ATP6V1H: variants seen among roughly 807,000 people sequenced by gnomAD.
ATP6V1H encodes ATPase H+ transporting V1 subunit H.
A neutral mutation model predicts 71.7 loss-of-function variants in ATP6V1H; 39 were observed. The observed-to-expected ratio is 0.54, with a 90% CI of 0.42 to 0.71. The LOEUF (loss-of-function observed/expected upper bound fraction) is 0.71. ATP6V1H is among the 30% of genes least tolerant of loss of function. The pLI is 0.00. For missense variants in ATP6V1H, 509 were observed against 594.9 expected (o/e 0.86, Z 1.50); for synonymous variants, 192 against 199.3 (o/e 0.96, Z 0.31).
Position 53,815,187 on chromosome 8 carries a change from T to C in ATP6V1H, c.421-421A>G, listed in dbSNP as rs185213167. ...ACTCATTCCAAGCCACTTGGGAGTT[T>C]TAATACTTAAAAATCCATTTCTTAG... On this transcript the variant is annotated intron_variant, in intron 5 of 13. Transcript: ENST00000359530. Among the ~76,000 whole-genome samples, 343 of 152,334 alleles carry C rather than the reference T, an allele frequency of 2.3e-3. 2 individuals carry two copies. Among genetic ancestry groups the C allele is most frequent in the African/African-American group, 7.8e-3 (326 of 41,572 alleles).
intron 13 of ATP6V1H, among the ~76,000 whole-genome samples, chr8:53,720,945 C>G (rs2130079369): frequency 6.6e-6 from 1 of 152,286 alleles, no homozygotes; most frequent in African/African-American, 2.4e-5. Flanking sequence ...GTGGGTTTGT[C>G]ATAACGATCA....
At chr8:53,769,528 A>G in intron 11 of ATP6V1H, 90 bp downstream of exon 11, 1 of 1,293,436 alleles carries the variant, frequency 7.7e-7, no homozygotes, top group Non-Finnish European at 1.1e-6. Context: ...AAAACCATAG[A>G]ATATCTAAAA....
chr8:53,729,630 C>G (rs919106738), intron 13 of ATP6V1H, among the ~76,000 whole-genome samples: 2 of 152,184 alleles, frequency 1.3e-5, no homozygotes, highest in Admixed American at 1.3e-4. Context: ...GAATGGAGCC[C>G]AGGCTATTCC....
At chr8:53,754,211 C>T (rs1039992390) in intron 12 of ATP6V1H, among the ~76,000 whole-genome samples, 3 of 152,066 alleles carry the variant, frequency 2.0e-5, no homozygotes, top group African/African-American at 7.2e-5. Context: ...GATAGGAGTG[C>T]AAAAGGCTTA....
chr8:53,773,385 A>G (rs1363745299), intron 9 of ATP6V1H, among the ~76,000 whole-genome samples: 2 of 152,240 alleles, frequency 1.3e-5, no homozygotes, highest in African/African-American at 4.8e-5. Context: ...TCTCTCTGGC[A>G]GAAAACAACT....
At position 53,834,175 on chromosome 8, in the gene ATP6V1H, TA is replaced by T. The variant is rs555922478; in HGVS notation, c.114-1090del. ...AGGAAAAGCAGAGAATTTGAGTCAATATGGGGAAGAGTTCCAGTTCCAGGTG... is the reference window on the plus strand; with the variant it reads ...AGGAAAAGCAGAGAATTTGAGTCAATTGGGGAAGAGTTCCAGTTCCAGGTG... On this transcript the variant is annotated intron_variant, in intron 2 of 13. Transcript: ENST00000359530. 2.3e-3 allele frequency among the ~76,000 whole-genome samples: 345 copies of T among 152,170 alleles called. 2 individuals carry two copies. Among genetic ancestry groups the T allele is most frequent in the African/African-American group, 7.9e-3 (328 of 41,514 alleles).
intron 5 of ATP6V1H, among the ~76,000 whole-genome samples, chr8:53,815,572 A>C (rs1450377081): frequency 6.6e-6 from 1 of 152,354 alleles, no homozygotes; most frequent in African/African-American, 2.4e-5. Context: ...AATGTCAGAC[A>C]CTTAAGTGTT....
At chr8:53,739,516 C>T (rs1261215477) in intron 13 of ATP6V1H, 1 of 152,116 alleles carries the variant, frequency 6.6e-6, no homozygotes, top group African/African-American at 2.4e-5. Context: ...AATCTAGAGA[C>T]AAAAATGAAA....
At chr8:53,799,497 T>C (rs1220557855) in intron 8 of ATP6V1H, among the ~76,000 whole-genome samples, 1 of 152,152 alleles carries the variant, frequency 6.6e-6, no homozygotes, top group Non-Finnish European at 1.5e-5. Context: ...AACAGCAAAG[T>C]CCTAAGGCTG....
At chr8:53,792,650 G>A (rs1809602775) in intron 9 of ATP6V1H, among the ~76,000 whole-genome samples, 1 of 152,174 alleles carries the variant, frequency 6.6e-6, no homozygotes, top group Non-Finnish European at 1.5e-5. Context: ...GGACAGCTTT[G>A]GAGCTGGCAG....
chr8:53,806,134 G>A (rs890070885), intron 7 of ATP6V1H, among the ~76,000 whole-genome samples: 1 of 152,084 alleles, frequency 6.6e-6, no homozygotes, highest in Admixed American at 6.6e-5. Context: ...GAGAAGGACA[G>A]AGTAAAAACT....
At chr8:53,817,827 T>C (rs535665346) in intron 4 of ATP6V1H, among the ~76,000 whole-genome samples, 1 of 152,252 alleles carries the variant, frequency 6.6e-6, no homozygotes, top group East Asian at 1.9e-4. Context: ...GTAACAGGTC[T>C]ACACCCACCA....
intron 9 of ATP6V1H, among the ~76,000 whole-genome samples, chr8:53,787,663 C>T (rs1809430236): frequency 6.6e-6 from 1 of 152,174 alleles, no homozygotes; most frequent in Non-Finnish European, 1.5e-5. Flanking sequence ...GCACAACAAA[C>T]AGATGTAAAA....
intron 9 of ATP6V1H, among the ~76,000 whole-genome samples, chr8:53,781,599 A>C (rs542728962): frequency 6.0e-4 from 91 of 152,226 alleles, no homozygotes; most frequent in Non-Finnish European, 9.4e-4. Context: ...GGTGTTTTAG[A>C]CATGAAGTCC....
intron 13 of ATP6V1H, among the ~76,000 whole-genome samples, chr8:53,730,704 G>A (rs1294896469): frequency 6.6e-6 from 1 of 152,168 alleles, no homozygotes; most frequent in Non-Finnish European, 1.5e-5. Context: ...GCAGCATAAT[G>A]TCAAAGCTGG....
At chr8:53,809,215 C>T (rs1433565325) in intron 7 of ATP6V1H, among the ~76,000 whole-genome samples, 1 of 152,126 alleles carries the variant, frequency 6.6e-6, no homozygotes, top group South Asian at 2.1e-4. Context: ...ATATGACCTA[C>T]ATTGAACAGG....
At chr8:53,722,723 T>C (rs1806668101) in intron 13 of ATP6V1H, among the ~76,000 whole-genome samples, 2 of 152,180 alleles carry the variant, frequency 1.3e-5, no homozygotes. Context: ...TGGAAAAGGA[T>C]GCATCTTTCT....
At chr8:53,808,678 G>GA (rs2130456242) in intron 7 of ATP6V1H, among the ~76,000 whole-genome samples, 1 of 152,152 alleles carries the variant, frequency 6.6e-6, no homozygotes, top group African/African-American at 2.4e-5. Flanking sequence ...ATGGGGGTCA[G>GA]AGGTTGGTGG....
chr8:53,789,021 C>T (rs1258131799), intron 9 of ATP6V1H, among the ~76,000 whole-genome samples: 1 of 152,172 alleles, frequency 6.6e-6, no homozygotes, highest in African/African-American at 2.4e-5. Context: ...TGCATCTTTC[C>T]ATATACTCAG....
Sources: gnomAD v4.1 joint callset for allele counts (sites outside exome capture counted in the v4.1 genomes callset) on GRCh38, gnomAD v4.1.1 for gene constraint, MANE v1.5 for transcripts, NCBI Gene and HGNC (gene_info 2026-07-23, HGNC 2026-07-21) for gene names.